UPF3B: variants seen among roughly 807,000 people sequenced by gnomAD.
UPF3B encodes UPF3B regulator of nonsense mediated mRNA decay.
Under a neutral mutation model 40.3 loss-of-function variants are expected in UPF3B, and 7 were observed. That is an observed-to-expected ratio of 0.17 (90% CI 0.10 to 0.33). UPF3B has a LOEUF of 0.33. UPF3B is among the 10% of genes least tolerant of loss of function. The probability of loss-of-function intolerance (pLI) is 1.00; values close to 1 mark genes in which losing one functional copy is unlikely to be tolerated. For missense variants in UPF3B, 229 were observed against 358.9 expected (o/e 0.64, Z 2.93); for synonymous variants, 117 against 117.3 (o/e 1.00, Z 0.01).
intron 4 of UPF3B, among the ~76,000 whole-genome samples, chrX:119,815,561 A>G (rs187885353): frequency 8.1e-5 from 9 of 111,543 alleles, no homozygotes; most frequent in African/African-American, 2.6e-4. Flanking sequence ...TTTGTCACTC[A>G]GGCTGAAGTG....
chrX:119,823,533 G>A (rs1170950948), intron 3 of UPF3B, among the ~76,000 whole-genome samples: 1 of 105,470 alleles, frequency 9.5e-6, no homozygotes, highest in Non-Finnish European at 1.9e-5. Context: ...CATCACGCCT[G>A]GCCCATTTCT....
intron 4 of UPF3B, among the ~76,000 whole-genome samples, chrX:119,819,410 C>G (rs187538874): frequency 3.6e-5 from 4 of 110,920 alleles, no homozygotes; most frequent in Non-Finnish European, 7.6e-5. Context: ...GCAAAATGCC[C>G]AGGAAAGCTT....
chrX:119,837,529 T>C (rs1269508399), intron 10 of UPF3B, among the ~76,000 whole-genome samples: 1 of 102,383 alleles, frequency 9.8e-6, no homozygotes, highest in Non-Finnish European at 2.0e-5. Flanking sequence ...AGCAGAAGAA[T>C]GGCGTGAACC....
chrX:119,826,306 C>A (rs907772481), intron 3 of UPF3B, among the ~76,000 whole-genome samples: 4 of 110,378 alleles, frequency 3.6e-5, no homozygotes, highest in Non-Finnish European at 7.6e-5. Flanking sequence ...CATGGTGAAA[C>A]CCTGTCTCTA....
At chrX:119,818,268 A>C (rs911707009) in intron 4 of UPF3B, among the ~76,000 whole-genome samples, 5 of 109,852 alleles carry the variant, frequency 4.6e-5, no homozygotes, top group African/African-American at 6.6e-5. Flanking sequence ...CCGTCTTAAA[A>C]AACAACAACA....
chrX:119,842,146 T>G (rs992906974), intron 5 of UPF3B, among the ~76,000 whole-genome samples: 1 of 111,954 alleles, frequency 8.9e-6, no homozygotes, highest in Non-Finnish European at 1.9e-5. Context: ...TTTGACCCCA[T>G]AATTCCACTT....
At chrX:119,806,848 G>T (rs1043039063) in intron 6 of UPF3B, among the ~76,000 whole-genome samples, 1 of 108,857 alleles carries the variant, frequency 9.2e-6, no homozygotes, top group Non-Finnish European at 1.9e-5. Context: ...GGCCAACGTG[G>T]TGAAACCCCA....
chrX:119,830,917 C>T (rs1380568874), downstream of UPF3B, among the ~76,000 whole-genome samples: 1 of 111,574 alleles, frequency 9.0e-6, no homozygotes, highest in East Asian at 2.8e-4. Context: ...AGACACTCTA[C>T]TCCACCCAAA....
chrX:119,842,353 G>T (rs1330566399), intron 5 of UPF3B, among the ~76,000 whole-genome samples: 2 of 111,093 alleles, frequency 1.8e-5, no homozygotes, highest in Non-Finnish European at 3.8e-5. Flanking sequence ...AGAGGCCAAG[G>T]CAGGCGGATC....
chrX:119,852,042 T>C (rs1340974050), intron 1 of UPF3B, among the ~76,000 whole-genome samples, 169 bp from the exon 2 acceptor site: 3 of 108,938 alleles, frequency 2.8e-5, no homozygotes, highest in Non-Finnish European at 5.7e-5. Context: ...TCAAACATAA[T>C]AGTAACGCGG....
chrX:119,838,212 AC>A, intron 9 of UPF3B, 154 bp downstream of exon 9: 1 of 912,046 alleles, frequency 1.1e-6, no homozygotes, highest in Non-Finnish European at 1.5e-6. Flanking sequence ...AAAACCATTC[AC>A]CCAGATTAAG....
intron 10 of UPF3B, among the ~76,000 whole-genome samples, chrX:119,837,340 G>A (rs2056108080): frequency 9.1e-6 from 1 of 109,604 alleles, no homozygotes; most frequent in African/African-American, 3.3e-5. Flanking sequence ...AGTTGGTCAG[G>A]CGTGGTGGCT....
chrX:119,839,582 G>A (rs777891600), intron 8 of UPF3B, among the ~76,000 whole-genome samples: 1 of 112,209 alleles, frequency 8.9e-6, no homozygotes, highest in Non-Finnish European at 1.9e-5. Flanking sequence ...GTCTCAGAGT[G>A]AAGGTATCAC....
chrX:119,807,693 A>G (rs1345853055), intron 5 of UPF3B: 2 of 341,813 alleles, frequency 5.9e-6, no homozygotes, highest in African/African-American at 5.7e-5. Context: ...GTAATTTAAG[A>G]CCAAAAATGT....
intron 4 of UPF3B, chrX:119,815,442 A>G (rs767533374): frequency 6.9e-6 from 1 of 144,039 alleles, no homozygotes; most frequent in South Asian, 3.1e-4. Flanking sequence ...GGCATGGTAA[A>G]TGACAACTTG....
In UPF3B at chrX:119,843,266, T is replaced by C. The variant is rs758438433; in HGVS notation, c.505A>G (p.Thr169Ala). 2 of 1,205,422 alleles carry C rather than the reference T, an allele frequency of 1.7e-6. No homozygotes were observed. The highest frequency in any genetic ancestry group is 3.5e-5 in the South Asian group (2 of 56,843). The change falls in exon 5 of 11, where the codon ACA (threonine) becomes GCA (alanine). Residue 169 changes from threonine (T) to alanine (A), a missense_variant. Coordinates refer to ENST00000276201, the MANE Select transcript of UPF3B (RefSeq NM_080632.3). The stretch of plus-strand genomic sequence containing the variant: ...GTAGATGTCATTTTCTCATTATCTG[T>C]GGCATAACTTTCCAAAAACTTTCTA... ...EYRKFLESYA[T>A]DNEKMTSTPE...
At chrX:119,850,702 C>T (rs982682993) in intron 3 of UPF3B, among the ~76,000 whole-genome samples, 1 of 112,148 alleles carries the variant, frequency 8.9e-6, no homozygotes, top group South Asian at 3.7e-4. Context: ...TCCCTATAGA[C>T]TGGACCTTTC....
intron 3 of UPF3B, among the ~76,000 whole-genome samples, chrX:119,827,505 T>G (rs7049685): frequency 0.014 from 1,527 of 110,172 alleles, 21 homozygotes; most frequent in South Asian, 0.059. Flanking sequence ...TTCAAGCGAT[T>G]CTCCTGCCTC....
rs182399865 is a variant in UPF3B at position 119,815,360 on chromosome X, G to A, written c.495-53C>T. On this transcript the variant is annotated intron_variant, in intron 4 of 6. Coordinates refer to the UPF3B transcript ENST00000636792. ...TACAACAATGCTGCTAAGCTTTTACGTGGGATTTTCAAGTCATAACTTATA... is the reference window on the plus strand; with the variant it reads ...TACAACAATGCTGCTAAGCTTTTACATGGGATTTTCAAGTCATAACTTATA... The A allele has an allele frequency of 4.0e-4, 246 of 611,180 alleles. No individual in the cohort carries two copies. The African/African-American group carries it at 5.0e-3, about 13-fold the overall frequency. The allele number at this position is 611,180 out of a possible 1,213,427, so 50.4% of individuals were successfully genotyped here. A position where few individuals can be genotyped will look rare whatever the true frequency, so the allele number is the denominator to read the frequency against.
Sources: gnomAD v4.1 joint callset for allele counts (sites outside exome capture counted in the v4.1 genomes callset) on GRCh38, gnomAD v4.1.1 for gene constraint, MANE v1.5 for transcripts, NCBI Gene and HGNC (gene_info 2026-07-23, HGNC 2026-07-21) for gene names.